The following NHEJ1 variants were observed in gnomAD, a reference collection of about 807,000 sequenced individuals.
The protein encoded by NHEJ1 is non-homologous end joining factor 1.
A neutral mutation model predicts 39.4 loss-of-function variants in NHEJ1; 22 were observed. That is an observed-to-expected ratio of 0.56 (90% CI 0.40 to 0.80). The LOEUF (loss-of-function observed/expected upper bound fraction) is 0.80. Among genes scored for constraint, NHEJ1 ranks in the 30% least tolerant of loss-of-function variants. The pLI is 0.00. For synonymous variants in NHEJ1, 154 were observed against 135.6 expected, an observed-to-expected ratio of 1.14 and a Z score of -0.94; for missense variants, 329 against 357.1, an observed-to-expected ratio of 0.92 and a Z score of 0.63.
intron 5 of NHEJ1, among the ~76,000 whole-genome samples, chr2:219,133,523 G>A (rs1243024491): frequency 6.6e-6 from 1 of 152,240 alleles, no homozygotes; most frequent in Non-Finnish European, 1.5e-5. Context: ...TAAGCTAACA[G>A]GGAGAGAAGT....
chr2:219,082,553 C>T (rs1459193449), intron 5 of NHEJ1, among the ~76,000 whole-genome samples: 1 of 152,182 alleles, frequency 6.6e-6, no homozygotes, highest in Admixed American at 6.5e-5. Context: ...TTCTAGAATC[C>T]TGGGTAAGAA....
chr2:219,131,023 T>C (rs540214686), intron 5 of NHEJ1, among the ~76,000 whole-genome samples: 34 of 152,116 alleles, frequency 2.2e-4, no homozygotes, highest in Non-Finnish European at 4.0e-4. Context: ...GCCTGGAACA[T>C]CAAGTCTGCA....
chr2:219,131,181 T>C (rs753546629), intron 5 of NHEJ1, among the ~76,000 whole-genome samples: 2 of 152,016 alleles, frequency 1.3e-5, no homozygotes, highest in Non-Finnish European at 2.9e-5. Context: ...ATAAGACATG[T>C]TGGGGGAGGG....
chr2:219,109,705 T>C (rs1241919067), intron 5 of NHEJ1, among the ~76,000 whole-genome samples: 3 of 151,818 alleles, frequency 2.0e-5, no homozygotes, highest in African/African-American at 7.3e-5. Flanking sequence ...ATATATGAGG[T>C]AGGCAAAGGT....
At chr2:219,141,173 A>G (rs1238336291) in intron 5 of NHEJ1, among the ~76,000 whole-genome samples, 1 of 152,218 alleles carries the variant, frequency 6.6e-6, no homozygotes, top group Non-Finnish European at 1.5e-5. Flanking sequence ...TGAGGTCAGG[A>G]GTTCAAGACC....
intron 5 of NHEJ1, 58 bp downstream of exon 5, chr2:219,146,622 A>G: frequency 7.3e-7 from 1 of 1,372,386 alleles, no homozygotes. Context: ...ATGGCCACTC[A>G]GGCACCTGGA....
chr2:219,147,904 TA>T, intron 3 of NHEJ1, 109 bp from the exon 4 acceptor site: 1 of 1,090,024 alleles, frequency 9.2e-7, no homozygotes, highest in Non-Finnish European at 1.4e-6. Context: ...TACAGAAACT[TA>T]TAGTTTCATA....
chr2:219,128,418 G>T (rs1024699090), intron 5 of NHEJ1, among the ~76,000 whole-genome samples: 1 of 152,162 alleles, frequency 6.6e-6, no homozygotes. Flanking sequence ...CAGAAGGGAA[G>T]AGGATAGGTC....
chr2:219,147,154 T>C (rs755333377), intron 4 of NHEJ1, among the ~76,000 whole-genome samples: 18 of 152,166 alleles, frequency 1.2e-4, no homozygotes, highest in Non-Finnish European at 2.5e-4. Flanking sequence ...TATTGGCCAC[T>C]TGGGCTCCAG....
intron 2 of NHEJ1, 24 bp downstream of exon 2, chr2:219,158,162 A>G (rs765056950): frequency 2.3e-5 from 37 of 1,613,538 alleles, no homozygotes; most frequent in Non-Finnish European, 3.0e-5. Flanking sequence ...TCCCCGACAC[A>G]GCAGTACTTC....
intron 5 of NHEJ1, among the ~76,000 whole-genome samples, chr2:219,081,073 A>C (rs1024225937): frequency 6.6e-5 from 10 of 152,182 alleles, no homozygotes; most frequent in African/African-American, 2.4e-4. Flanking sequence ...CCGGCTGAGG[A>C]ACAAGCTCCC....
chr2:219,122,781 T>C (rs1322275453), intron 5 of NHEJ1, among the ~76,000 whole-genome samples: 1 of 152,186 alleles, frequency 6.6e-6, no homozygotes, highest in African/African-American at 2.4e-5. Flanking sequence ...TTGATGAGCC[T>C]CTGCGGTCAC....
At chr2:219,105,336 C>G (rs1424774718) in intron 5 of NHEJ1, among the ~76,000 whole-genome samples, 1 of 152,074 alleles carries the variant, frequency 6.6e-6, no homozygotes, top group Non-Finnish European at 1.5e-5. Flanking sequence ...CACCAGATTT[C>G]CACTGGCCAG....
rs138515231 is a variant in NHEJ1 at position 219,158,327 on chromosome 2, T to C, written c.36A>G (p.Pro12=). 236 of 1,614,212 alleles carry C rather than the reference T, an allele frequency of 1.5e-4. 1 individual carries two copies. The African/African-American group carries it at 2.1e-3, about 14-fold the overall frequency. ...TCTCTGCAAGCTGTAGCCACGCCCA[T>C]GGCTGCATCAACAGGCCTTGCTCCA... ...EELEQGLLMQ[P]WAWLQLAENS... The change falls in exon 2 of 8, where the codon CCA becomes CCG. Residue 12 remains proline (P), a synonymous_variant. Transcript: ENST00000356853.
intron 5 of NHEJ1, among the ~76,000 whole-genome samples, chr2:219,098,167 A>C (rs1421573921): frequency 1.3e-5 from 2 of 152,218 alleles, no homozygotes; most frequent in African/African-American, 2.4e-5. Context: ...GATGGGACCC[A>C]AAACCCCATT....
intron 5 of NHEJ1, among the ~76,000 whole-genome samples, chr2:219,094,462 C>A (rs925666607): frequency 1.3e-5 from 2 of 152,078 alleles, no homozygotes; most frequent in Non-Finnish European, 2.9e-5. Context: ...AAGAAGTTTT[C>A]CTAAATGGAT....
chr2:219,154,144 T>G (rs1949825999), intron 3 of NHEJ1, among the ~76,000 whole-genome samples: 1 of 152,222 alleles, frequency 6.6e-6, no homozygotes, highest in Non-Finnish European at 1.5e-5. Context: ...AATGTGTTGA[T>G]ATGAATAATC....
At chr2:219,159,552 C>CATATAT (rs373057307) in intron 1 of NHEJ1, among the ~76,000 whole-genome samples, 3 of 66,378 alleles carry the variant, frequency 4.5e-5, no homozygotes, top group African/African-American at 7.1e-5. Flanking sequence ...TATATATATG[C>CATATAT]ATATATATAT....
intron 3 of NHEJ1, among the ~76,000 whole-genome samples, chr2:219,149,726 A>G (rs1218401715): frequency 1.3e-5 from 2 of 152,248 alleles, no homozygotes; most frequent in Non-Finnish European, 2.9e-5. Flanking sequence ...AGGCACTAAA[A>G]AGAAGAAATG....
Sources: allele counts gnomAD v4.1 joint callset (sites outside exome capture counted in the v4.1 genomes callset), GRCh38; gene constraint gnomAD v4.1.1; transcripts MANE v1.5; gene names NCBI Gene and HGNC (gene_info 2026-07-23, HGNC 2026-07-21).